CDH1: variants seen among roughly 807,000 people sequenced by gnomAD.
The protein encoded by CDH1 is cadherin 1.
A neutral mutation model predicts 84.5 loss-of-function variants in CDH1; 35 were observed. That is an observed-to-expected ratio of 0.41 (90% CI 0.32 to 0.55). The LOEUF is 0.55. Ranked by LOEUF, CDH1 falls within the 20% of genes least tolerant of loss-of-function variation. The pLI is 0.19. For synonymous variants in CDH1, 417 were observed against 439.0 expected (o/e 0.95, Z 0.63); for missense variants, 994 against 1,126.6 (o/e 0.88, Z 1.68).
chr16:68,811,235 T>A (rs1960815150), intron 6 of CDH1, among the ~76,000 whole-genome samples: 1 of 151,700 alleles, frequency 6.6e-6, no homozygotes, highest in South Asian at 2.1e-4. Flanking sequence ...CTGTCTCTAC[T>A]AAAAATAGAA....
chr16:68,823,179 AC>A lies in CDH1; in HGVS notation c.1937-218del, dbSNP rs534844773. 1,730 of 532,072 alleles carry A rather than the reference AC, an allele frequency of 3.3e-3. 12 individuals carry two copies. The highest frequency in any genetic ancestry group is 7.5e-3 in the South Asian group (358 of 47,620). The allele number at this position is 532,072 out of a possible 1,614,324, so 33.0% of individuals were successfully genotyped here. A position where few individuals can be genotyped will look rare whatever the true frequency, so the allele number is the denominator to read the frequency against. ...TCCAGCCACTAGGCAGCTTTTTTAAACCAACTCTAGAGCCCTCTCCCAAGCC... is the reference window on the plus strand; with the variant it reads ...TCCAGCCACTAGGCAGCTTTTTTAAACAACTCTAGAGCCCTCTCCCAAGCC... On this transcript the variant is annotated intron_variant, in intron 12 of 15. Transcript: ENST00000261769.
chr16:68,771,545 A>G (rs1959573639), intron 2 of CDH1, among the ~76,000 whole-genome samples: 1 of 152,124 alleles, frequency 6.6e-6, no homozygotes, highest in East Asian at 1.9e-4. Context: ...CAAGGTCAAG[A>G]GATCGAGACC....
intron 2 of CDH1, among the ~76,000 whole-genome samples, chr16:68,754,373 C>G (rs1364602708): frequency 6.6e-6 from 1 of 151,652 alleles, no homozygotes; most frequent in Admixed American, 6.6e-5. Flanking sequence ...GACTGCCTCC[C>G]TGCACTCCAG....
intron 5 of CDH1, 145 bp from the exon 6 acceptor site, chr16:68,810,052 C>T (rs1449461100): frequency 2.5e-5 from 20 of 798,976 alleles, no homozygotes; most frequent in Admixed American, 1.9e-4. Flanking sequence ...AGCAGCAGCA[C>T]ATGTGTGAGA....
Position 68,834,730 on chromosome 16 carries a change from G to A in CDH1, c.*1231G>A, listed in dbSNP as rs1961592805. ...AACTTGCAATGGGCAGCTATCCAGT[G>A]ACTTGTTCTGAGTAAGTGTGTTCAT... On this transcript the variant is annotated 3_prime_UTR_variant, in exon 16 of 16. Transcript: ENST00000261769. The A allele has an allele frequency of 4.3e-6, 1 of 233,618 alleles. No homozygotes were observed. The highest frequency in any genetic ancestry group is 2.2e-5 in the African/African-American group (1 of 45,186). The allele number at this position is 233,618 out of a possible 1,614,324, so 14.5% of individuals were successfully genotyped here.
chr16:68,829,892 C>G (rs2152142608), intron 15 of CDH1, 95 bp downstream of exon 15: 2 of 1,290,174 alleles, frequency 1.6e-6, no homozygotes, highest in Non-Finnish European at 2.2e-6. Flanking sequence ...AGATTCTTTC[C>G]TTTACTATGT....
At chr16:68,783,537 G>A (rs967010801) in intron 2 of CDH1, among the ~76,000 whole-genome samples, 2 of 152,156 alleles carry the variant, frequency 1.3e-5, no homozygotes, top group African/African-American at 2.4e-5. Flanking sequence ...CAGTGTTACC[G>A]ATTTCTTGTT....
intron 2 of CDH1, chr16:68,770,809 G>A (rs1854050247): frequency 6.6e-6 from 1 of 152,210 alleles, no homozygotes; most frequent in African/African-American, 2.4e-5. Flanking sequence ...GTGTGGCAGG[G>A]CCTGGTGGGT....
intron 3 of CDH1, among the ~76,000 whole-genome samples, chr16:68,806,766 A>G (rs574050945): frequency 1.2e-4 from 18 of 152,352 alleles, no homozygotes; most frequent in Non-Finnish European, 2.2e-4. Flanking sequence ...ATTCAAAGCC[A>G]GGCAGTCTAG....
chr16:68,788,565 T>G (rs1156679728), intron 2 of CDH1, among the ~76,000 whole-genome samples: 1 of 152,240 alleles, frequency 6.6e-6, no homozygotes, highest in East Asian at 1.9e-4. Context: ...AAGGTTCATC[T>G]ATGCTACTGC....
chr16:68,823,113 C>A, intron 12 of CDH1: 1 of 410,794 alleles, frequency 2.4e-6, no homozygotes. Flanking sequence ...CTACCGAACC[C>A]AGCGACATCT....
chr16:68,747,387 G>A (rs974633044), intron 2 of CDH1, among the ~76,000 whole-genome samples: 50 of 152,134 alleles, frequency 3.3e-4, no homozygotes, highest in African/African-American at 1.2e-3. Flanking sequence ...CTTGGGCCGT[G>A]GGTCATGGAG....
intron 2 of CDH1, among the ~76,000 whole-genome samples, chr16:68,743,424 G>A (rs1962639263): frequency 6.6e-6 from 1 of 151,034 alleles, no homozygotes; most frequent in Admixed American, 6.6e-5. Flanking sequence ...AGTGTAGAGA[G>A]GTAGGATCTC....
At chr16:68,760,089 T>A (rs866096151) in intron 2 of CDH1, among the ~76,000 whole-genome samples, 2,333 of 120,304 alleles carry the variant, frequency 0.019, 19 homozygotes, top group African/African-American at 0.036. Flanking sequence ...TATATATATT[T>A]TTTTTTTTTT....
chr16:68,828,106 T>C (rs1961368582), intron 13 of CDH1, 68 bp from the exon 14 acceptor site: 1 of 1,588,460 alleles, frequency 6.3e-7, no homozygotes, highest in Non-Finnish European at 8.6e-7. Context: ...TGCTCTGTGA[T>C]AGCTGCTGCT....
At chr16:68,811,328 CAG>C (rs1337481031) in intron 6 of CDH1, among the ~76,000 whole-genome samples, 1 of 141,172 alleles carries the variant, frequency 7.1e-6, no homozygotes, top group East Asian at 2.1e-4. Context: ...ACCCGGGAGA[CAG>C]AGATTGTGGT....
At position 68,798,485 on chromosome 16, in the gene CDH1, G is replaced by C. The variant is rs529605982; in HGVS notation, c.164-3185G>C. Among the ~76,000 whole-genome samples, 3 of 152,270 alleles carry C rather than the reference G, an allele frequency of 2.0e-5. No individual in the cohort carries two copies. In the East Asian group the frequency reaches 5.8e-4, roughly 29 times the overall value. On this transcript the variant is annotated intron_variant, in intron 2 of 15. Coordinates refer to ENST00000261769, the MANE Select transcript of CDH1 (RefSeq NM_004360.5). ...CATGGGGAGATAATGAGTCTTATGA[G>C]CACCTGGAATTCAGGTTGGGGCTCC...
intron 2 of CDH1, among the ~76,000 whole-genome samples, chr16:68,755,135 G>C (rs1303613943): frequency 6.6e-6 from 1 of 151,904 alleles, no homozygotes; most frequent in East Asian, 1.9e-4. Context: ...AAATTAGCCA[G>C]GTGTAGTGGC....
intron 15 of CDH1, among the ~76,000 whole-genome samples, chr16:68,830,698 T>C (rs1480053638): frequency 2.6e-5 from 4 of 152,138 alleles, no homozygotes; most frequent in Non-Finnish European, 5.9e-5. Context: ...GATCACAAGA[T>C]GGCTGCCACA....
Sources: gnomAD v4.1 joint callset for allele counts (sites outside exome capture counted in the v4.1 genomes callset) on GRCh38, gnomAD v4.1.1 for gene constraint, MANE v1.5 for transcripts, NCBI Gene and HGNC (gene_info 2026-07-23, HGNC 2026-07-21) for gene names.